CCM2: variants seen among roughly 807,000 people sequenced by gnomAD.
CCM2 encodes the protein CCM2 scaffold protein, also known as cerebral cavernous malformations 2 protein.
CCM2 carries 25 observed loss-of-function variants against 44.9 expected under a neutral mutation model. The ratio of observed to expected loss-of-function variants is 0.56; its 90% CI spans 0.41 to 0.78. CCM2 has a LOEUF of 0.78. Ranked by LOEUF, CCM2 falls within the 30% of genes least tolerant of loss-of-function variation. The pLI, the probability that CCM2 is intolerant of heterozygous loss-of-function variation, is 0.00. For synonymous variants in CCM2, 219 were observed against 241.1 expected, an observed-to-expected ratio of 0.91 and a Z score of 0.85; for missense variants, 481 against 580.6, an observed-to-expected ratio of 0.83 and a Z score of 1.76.
intron 1 of CCM2, among the ~76,000 whole-genome samples, chr7:45,006,492 C>T (rs747311433): frequency 5.9e-5 from 9 of 152,112 alleles, no homozygotes; most frequent in South Asian, 2.1e-4. Context: ...TACAGGTGCC[C>T]GCCACCACAC....
At chr7:45,036,786 G>T (rs1452478247) in intron 1 of CCM2, among the ~76,000 whole-genome samples, 1 of 152,128 alleles carries the variant, frequency 6.6e-6, no homozygotes, top group East Asian at 1.9e-4. Context: ...AGCTTTTAAT[G>T]AAAGTTTGGT....
intron 6 of CCM2, chr7:45,070,197 T>C (rs1433139134): frequency 1.1e-5 from 6 of 567,726 alleles, no homozygotes; most frequent in South Asian, 1.0e-4. Flanking sequence ...TGGAATAAAT[T>C]TGGGGTCTGT....
intron 2 of CCM2, among the ~76,000 whole-genome samples, chr7:45,048,124 C>G (rs540766367): frequency 6.6e-5 from 10 of 152,306 alleles, no homozygotes; most frequent in Non-Finnish European, 1.0e-4. Flanking sequence ...AAAAATGGCT[C>G]TAGATCCTAG....
At position 45,064,656 on chromosome 7, in the gene CCM2, G is replaced by A; in HGVS notation, c.472+10G>A. 1 of 1,613,602 alleles carries A rather than the reference G, an allele frequency of 6.2e-7. No individual in the cohort carries two copies. Among genetic ancestry groups the A allele is most frequent in the Admixed American group, 1.7e-5 (1 of 60,016 alleles). ...GTGGTCCTGAAGACAGGTACAGGAGGTCAGGGGTCAGGAGGGTCCTTGTCC... is the reference window on the plus strand; with the variant it reads ...GTGGTCCTGAAGACAGGTACAGGAGATCAGGGGTCAGGAGGGTCCTTGTCC... On this transcript the variant is annotated intron_variant, in intron 4 of 9. Transcript: ENST00000258781.
At chr7:45,009,893 A>G (rs1795999811) in intron 1 of CCM2, among the ~76,000 whole-genome samples, 1 of 151,708 alleles carries the variant, frequency 6.6e-6, no homozygotes, top group South Asian at 2.1e-4. Flanking sequence ...ATGTAAAATT[A>G]TGTAACAATG....
chr7:45,073,080 GAGGC>G (rs1172731137), intron 7 of CCM2: 2 of 590,010 alleles, frequency 3.4e-6, no homozygotes, highest in African/African-American at 3.7e-5. Context: ...CGAGCCTGCC[GAGGC>G]GCTGGCCTTC....
At position 45,070,066 on chromosome 7, in the gene CCM2, C is replaced by T. The variant is rs184542479; in HGVS notation, c.745+105C>T. ...TACTCCTGGAATAGCGCAGTTACTG[C>T]CGTGACATGGTGGCCTTTTGTTTCC... On this transcript the variant is annotated intron_variant, in intron 6 of 9. Transcript: ENST00000258781. The T allele has an allele frequency of 1.2e-5, 17 of 1,428,670 alleles. No individual in the cohort carries two copies. In the East Asian group the frequency reaches 3.7e-4, roughly 31 times the overall value. 88.5% of individuals were successfully genotyped at this position (1,428,670 alleles called of 1,614,324 possible). A position where few individuals can be genotyped will look rare whatever the true frequency, so the allele number is the denominator to read the frequency against.
intron 1 of CCM2, among the ~76,000 whole-genome samples, chr7:45,028,872 G>T (rs1254082468): frequency 6.6e-6 from 1 of 152,188 alleles, no homozygotes; most frequent in African/African-American, 2.4e-5. Context: ...GGGGTGCAAT[G>T]TGGGTGTCCA....
intron 1 of CCM2, among the ~76,000 whole-genome samples, chr7:45,031,277 G>C (rs1325086873): frequency 6.6e-6 from 1 of 151,046 alleles, no homozygotes; most frequent in Non-Finnish European, 1.5e-5. Flanking sequence ...AGATACTCGG[G>C]AGGCTGAGGC....
chr7:45,028,163 T>C (rs1204319377), intron 1 of CCM2, among the ~76,000 whole-genome samples: 4 of 152,084 alleles, frequency 2.6e-5, no homozygotes, highest in African/African-American at 9.7e-5. Flanking sequence ...AAAAATGATG[T>C]AGGGAGATGG....
intron 1 of CCM2, among the ~76,000 whole-genome samples, chr7:45,028,109 TA>T (rs1796774554): frequency 1.3e-5 from 2 of 152,248 alleles, no homozygotes; most frequent in African/African-American, 4.8e-5. Context: ...CACGGAGAAG[TA>T]ATTTTCCTAT....
chr7:45,072,440 C>T, intron 6 of CCM2: 1 of 557,472 alleles, frequency 1.8e-6, no homozygotes, highest in Admixed American at 3.0e-5. Flanking sequence ...TCAAAGACAG[C>T]TTTTGCTGGC....
intron 4 of CCM2, among the ~76,000 whole-genome samples, chr7:45,067,195 G>A (rs1158630960): frequency 2.8e-5 from 4 of 145,336 alleles, no homozygotes; most frequent in Non-Finnish European, 4.6e-5. Context: ...CACTGTGCCC[G>A]CCTTTTTTTT....
chr7:45,055,057 G>A (rs1798194649), intron 2 of CCM2, among the ~76,000 whole-genome samples: 1 of 152,176 alleles, frequency 6.6e-6, no homozygotes, highest in South Asian at 2.1e-4. Flanking sequence ...AAGTAGAATC[G>A]TGAATCCTCT....
In CCM2 at chr7:45,057,553, A is replaced by G. The variant is rs534021324; in HGVS notation, c.205-6365A>G. 2.0e-5 allele frequency among the ~76,000 whole-genome samples: 3 copies of G among 152,254 alleles called. No homozygotes were observed. The South Asian group carries it at 6.2e-4, about 32-fold the overall frequency. On this transcript the variant is annotated intron_variant, in intron 2 of 9. Coordinates refer to ENST00000258781, the MANE Select transcript of CCM2 (RefSeq NM_031443.4). ...TGGTGTAGTAAGTTTTGAAATCAGG[A>G]AGTATGAAAATAGTTGAAATTTATT...
At chr7:45,048,175 G>A (rs893888856) in intron 2 of CCM2, among the ~76,000 whole-genome samples, 3 of 152,186 alleles carry the variant, frequency 2.0e-5, no homozygotes, top group African/African-American at 7.2e-5. Flanking sequence ...CTTGGAAGTG[G>A]TTTGTGGATG....
rs750076141 is a variant in CCM2 at position 45,074,282 on chromosome 7, C to G, written c.928C>G (p.Leu310Val). The part of the protein sequence containing the change: ...QDYMLTLRTK[L>V]SSQEIQQFAA... ...TGCTCTCTTGCAGCTGCGCACCAAG[C>G]TGTCATCACAGGAGATCCAGCAGTT... The change falls in exon 9 of 10, where the codon CTG (leucine) becomes GTG (valine). Residue 310 changes from leucine (L) to valine (V), a missense_variant. By Grantham distance (32) the Leu-to-Val change is conservative. Coordinates refer to ENST00000258781, the MANE Select transcript of CCM2 (RefSeq NM_031443.4). 2.5e-6 allele frequency: 4 copies of G among 1,613,680 alleles called. No individual in the cohort carries two copies. The highest frequency in any genetic ancestry group is 3.4e-6 in the Non-Finnish European group (4 of 1,180,032).
chr7:45,046,975 T>C (rs1242117110), intron 2 of CCM2, among the ~76,000 whole-genome samples: 1 of 152,194 alleles, frequency 6.6e-6, no homozygotes, highest in East Asian at 1.9e-4. Context: ...GAAAATATGC[T>C]CAGCATCATT....
chr7:45,030,358 A>G (rs1796902401), intron 1 of CCM2, among the ~76,000 whole-genome samples: 1 of 152,222 alleles, frequency 6.6e-6, no homozygotes, highest in African/African-American at 2.4e-5. Context: ...TCTATAGTAC[A>G]TTCTAGTGAG....
Sources: gnomAD v4.1 joint callset for allele counts (sites outside exome capture counted in the v4.1 genomes callset) on GRCh38, gnomAD v4.1.1 for gene constraint, MANE v1.5 for transcripts, NCBI Gene and HGNC (gene_info 2026-07-23, HGNC 2026-07-21) for gene names.